The following DPP10 variants were observed in gnomAD, a reference collection of about 807,000 sequenced individuals.
DPP10 encodes inactive dipeptidyl peptidase 10.
In DPP10, 33 loss-of-function variants were observed where a neutral mutation model predicts 120.9. The observed-to-expected ratio is 0.27, with a 90% confidence interval of 0.21 to 0.37. DPP10 has a LOEUF of 0.37. Ranked by LOEUF, DPP10 falls within the 10% of genes least tolerant of loss-of-function variation. The pLI, the probability that DPP10 is intolerant of heterozygous loss-of-function variation, is 1.00. For missense variants in DPP10, 816 were observed against 942.8 expected (o/e 0.87, Z 1.76); for synonymous variants, 337 against 326.1 (o/e 1.03, Z -0.36).
intron 3 of DPP10, among the ~76,000 whole-genome samples, chr2:115,395,385 AC>A (rs746325218): frequency 2.6e-5 from 4 of 152,184 alleles, no homozygotes; most frequent in Non-Finnish European, 5.9e-5. Flanking sequence ...GTCTCCAAAC[AC>A]AGTTACATTT....
intron 7 of DPP10, among the ~76,000 whole-genome samples, chr2:115,694,570 C>T (rs1335889302): frequency 6.6e-6 from 1 of 152,114 alleles, no homozygotes; most frequent in Admixed American, 6.6e-5. Flanking sequence ...GGTGAGTGAA[C>T]CACTTTAGCT....
chr2:115,551,160 C>T (rs141774291), intron 5 of DPP10, among the ~76,000 whole-genome samples: 6 of 152,210 alleles, frequency 3.9e-5, no homozygotes, highest in African/African-American at 1.4e-4. Context: ...TTTATTCTTG[C>T]AGACTTCACT....
chr2:114,783,851 T>C (rs779797424), intron 1 of DPP10, among the ~76,000 whole-genome samples: 2 of 151,878 alleles, frequency 1.3e-5, no homozygotes, highest in Non-Finnish European at 2.9e-5. Flanking sequence ...TCCCTCCCCC[T>C]ATATATATTC....
intron 1 of DPP10, among the ~76,000 whole-genome samples, chr2:115,079,991 G>T (rs1559069119): frequency 6.6e-6 from 1 of 152,132 alleles, no homozygotes; most frequent in African/African-American, 2.4e-5. Context: ...AGGGTCAGAG[G>T]CTATGCTATA....
At chr2:115,172,235 TC>T (rs1295621400) in intron 1 of DPP10, among the ~76,000 whole-genome samples, 3 of 152,116 alleles carry the variant, frequency 2.0e-5, no homozygotes, top group African/African-American at 7.2e-5. Context: ...GAAAGGCTTC[TC>T]CCCCGGGCGT....
chr2:114,584,492 C>T (rs1157048247), intron 1 of DPP10, among the ~76,000 whole-genome samples: 1 of 150,646 alleles, frequency 6.6e-6, no homozygotes, highest in South Asian at 2.1e-4. Context: ...TGTGCTGCAC[C>T]CATTAACTCG....
chr2:115,193,740 A>T (rs932733054), intron 1 of DPP10, among the ~76,000 whole-genome samples: 8 of 152,184 alleles, frequency 5.3e-5, no homozygotes, highest in African/African-American at 1.9e-4. Flanking sequence ...GTTTGAGCAG[A>T]CCAATTATTA....
chr2:114,652,163 G>C (rs1696637389), intron 1 of DPP10, among the ~76,000 whole-genome samples: 1 of 152,124 alleles, frequency 6.6e-6, no homozygotes, highest in Admixed American at 6.5e-5. Flanking sequence ...GGGAAGTGCT[G>C]GGGGGTGGGT....
intron 7 of DPP10, among the ~76,000 whole-genome samples, chr2:115,697,958 G>A (rs566373230): frequency 1.2e-4 from 18 of 152,276 alleles, no homozygotes; most frequent in Non-Finnish European, 2.2e-4. Flanking sequence ...TCCAGCTTGG[G>A]CGAGAGAGCG....
At chr2:115,302,054 A>G (rs1029172570) in intron 1 of DPP10, among the ~76,000 whole-genome samples, 1 of 151,980 alleles carries the variant, frequency 6.6e-6, no homozygotes, top group African/African-American at 2.4e-5. Context: ...GCCTCAGAAA[A>G]CTTACCATCA....
At chr2:115,067,797 G>A (rs1232316022) in intron 1 of DPP10, among the ~76,000 whole-genome samples, 1 of 144,376 alleles carries the variant, frequency 6.9e-6, no homozygotes, top group Non-Finnish European at 1.5e-5. Context: ...GGGAGGCGGA[G>A]CTTGCAGTGA....
rs147952411 is a variant in DPP10 at position 115,697,756 on chromosome 2, C to T, written c.576+7835C>T. 6.3e-3 allele frequency among the ~76,000 whole-genome samples: 956 copies of T among 152,078 alleles called. 52 individuals are homozygous for T. In the East Asian group the frequency reaches 0.16, roughly 25 times the overall value. ...ATCCCAGCACTTTAGGAGGCTGAGG[C>T]GGGCGGATCACGAGGTCGGGAGATC... On this transcript the variant is annotated intron_variant, in intron 7 of 25. Transcript: ENST00000410059.
intron 1 of DPP10, among the ~76,000 whole-genome samples, chr2:115,111,585 G>A (rs2049224353): frequency 6.6e-6 from 1 of 152,206 alleles, no homozygotes; most frequent in South Asian, 2.1e-4. Flanking sequence ...TGTGATCTTG[G>A]GCAAGGTGAC....
At chr2:115,384,554 A>G (rs1036950273) in intron 3 of DPP10, among the ~76,000 whole-genome samples, 1 of 70,960 alleles carries the variant, frequency 1.4e-5, no homozygotes, top group African/African-American at 4.4e-5. Context: ...AAGGAAGAAG[A>G]AGAGGAAGAA....
intron 3 of DPP10, among the ~76,000 whole-genome samples, chr2:115,417,885 T>C (rs1227181387): frequency 6.6e-6 from 1 of 152,244 alleles, no homozygotes; most frequent in East Asian, 1.9e-4. Context: ...GTCTGATGTA[T>C]TTCTCTTATC....
At chr2:114,792,699 T>C (rs991065682) in intron 1 of DPP10, among the ~76,000 whole-genome samples, 1 of 152,186 alleles carries the variant, frequency 6.6e-6, no homozygotes, top group African/African-American at 2.4e-5. Flanking sequence ...CAGGGGTGCC[T>C]ATGTGACCAG....
intron 1 of DPP10, among the ~76,000 whole-genome samples, chr2:115,124,385 G>C (rs975923651): frequency 2.0e-5 from 3 of 152,076 alleles, no homozygotes; most frequent in African/African-American, 7.2e-5. Flanking sequence ...GCTATTCACT[G>C]TCTCCCTCAT....
At chr2:115,574,199 C>T (rs2081519679) in intron 5 of DPP10, among the ~76,000 whole-genome samples, 1 of 152,202 alleles carries the variant, frequency 6.6e-6, no homozygotes, top group African/African-American at 2.4e-5. Flanking sequence ...AATTAGCCCT[C>T]TTCCTCCTTA....
rs58306246 is a variant in DPP10, at chr2:114,859,366, CAAAAAA to C, written c.60+416539_60+416544del. 2.3e-5 allele frequency among the ~76,000 whole-genome samples: 3 copies of C among 129,982 alleles called. No homozygotes were observed. In the South Asian group the frequency reaches 7.5e-4, roughly 33 times the overall value. The allele number at this position is 129,982 out of a possible 152,430, so 85.3% of individuals were successfully genotyped here. A position where few individuals can be genotyped will look rare whatever the true frequency, so the allele number is the denominator to read the frequency against. On this transcript the variant is annotated intron_variant, in intron 1 of 25. Transcript: ENST00000410059. ...CTGGGCAACAAGAGTGAAACTCCGT[CAAAAAA>C]AAAAAAAAAAGAGAAAGAAAGAAAG...
Sources: gnomAD v4.1 joint callset for allele counts (sites outside exome capture counted in the v4.1 genomes callset) on GRCh38, gnomAD v4.1.1 for gene constraint, MANE v1.5 for transcripts, NCBI Gene and HGNC (gene_info 2026-07-23, HGNC 2026-07-21) for gene names.